Variants in WWOX observed in about 807,000 individuals in gnomAD.
The protein encoded by WWOX is WW domain-containing oxidoreductase.
A neutral mutation model predicts 46.2 loss-of-function variants in WWOX; 69 were observed. That is an observed-to-expected ratio of 1.49 (90% CI 1.23 to 1.82). The LOEUF (loss-of-function observed/expected upper bound fraction) is 1.82. Among genes scored for constraint, WWOX ranks in the 40% most tolerant of loss-of-function variants. The pLI, the probability that WWOX is intolerant of heterozygous loss-of-function variation, is 0.00. For synonymous variants in WWOX, 359 were observed against 202.6 expected (o/e 1.77, Z -6.56); for missense variants, 919 against 542.6 (o/e 1.69, Z -6.89).
intron 8 of WWOX, among the ~76,000 whole-genome samples, chr16:78,892,764 C>G (rs368394711): frequency 2.0e-5 from 3 of 152,294 alleles, no homozygotes; most frequent in East Asian, 3.9e-4. Flanking sequence ...ACTTTCTAAC[C>G]TCTGTTGTAG....
At chr16:78,105,290 C>T (rs904883777) in intron 1 of WWOX, among the ~76,000 whole-genome samples, 10 of 152,220 alleles carry the variant, frequency 6.6e-5, no homozygotes, top group African/African-American at 2.4e-4. Context: ...GGTGAAACCC[C>T]ATCTCTACTA....
chr16:78,978,087 T>C (rs1566884), intron 8 of WWOX, among the ~76,000 whole-genome samples: 120,350 of 152,104 alleles, frequency 0.79, 49,180 homozygotes, highest in Middle Eastern at 0.91. Context: ...GTAGGTTTGC[T>C]TATTTGGGAT....
intron 8 of WWOX, among the ~76,000 whole-genome samples, chr16:78,930,099 C>T (rs1165338169): frequency 2.0e-5 from 3 of 152,072 alleles, no homozygotes; most frequent in African/African-American, 4.8e-5. Flanking sequence ...TCCTCCTTCC[C>T]TTCCTGCCGT....
At chr16:79,147,421 G>A (rs1366608243) in intron 8 of WWOX, among the ~76,000 whole-genome samples, 5 of 152,156 alleles carry the variant, frequency 3.3e-5, no homozygotes, top group African/African-American at 4.8e-5. Flanking sequence ...GTTGTTGCAC[G>A]TGTCGGTAGC....
intron 5 of WWOX, among the ~76,000 whole-genome samples, chr16:78,315,391 G>A (rs1336827364): frequency 6.6e-6 from 1 of 152,192 alleles, no homozygotes; most frequent in Admixed American, 6.5e-5. Context: ...GCTCAAGCCT[G>A]TAATCCCAGC....
At chr16:78,681,940 G>C (rs1287348642) in intron 8 of WWOX, among the ~76,000 whole-genome samples, 3 of 152,156 alleles carry the variant, frequency 2.0e-5, no homozygotes, top group Non-Finnish European at 4.4e-5. Flanking sequence ...CCAGGAGTCT[G>C]CTTTTCTAGC....
chr16:78,346,448 C>T (rs554283954), intron 5 of WWOX, among the ~76,000 whole-genome samples: 1 of 119,196 alleles, frequency 8.4e-6, no homozygotes, highest in South Asian at 2.5e-4. Flanking sequence ...CCGTATAGGG[C>T]TATGTATAAC....
rs1197873457 is a variant in WWOX at position 78,922,175 on chromosome 16, A to G, written c.1057-289433A>G. ...GCCCACATATTTGATCTCAGCCTCC[A>G]AGTCAACTGATAACTGTGGTACAGT... On this transcript the variant is annotated intron_variant, in intron 8 of 8. Coordinates refer to ENST00000566780, the MANE Select transcript of WWOX (RefSeq NM_016373.4). Among the ~76,000 whole-genome samples the G allele has an allele frequency of 3.3e-5, 5 of 152,144 alleles. No homozygotes were observed. The East Asian group carries it at 7.8e-4, about 24-fold the overall frequency.
At chr16:78,526,184 G>C (rs1311458000) in intron 8 of WWOX, 2 of 152,292 alleles carry the variant, frequency 1.3e-5, no homozygotes, top group Non-Finnish European at 2.9e-5. Context: ...TTCACCAGTA[G>C]TGGAGCTAGG....
intron 5 of WWOX, among the ~76,000 whole-genome samples, chr16:78,336,104 A>T: frequency 6.6e-6 from 1 of 151,778 alleles, no homozygotes; most frequent in Admixed American, 6.6e-5. Flanking sequence ...AAAACGAAAA[A>T]CAAAAAAAAC....
intron 5 of WWOX, among the ~76,000 whole-genome samples, chr16:78,196,062 A>C (rs957044161): frequency 2.0e-5 from 3 of 152,154 alleles, no homozygotes; most frequent in Admixed American, 2.0e-4. Flanking sequence ...GATGGGCCCC[A>C]CTTAACCCTT....
At chr16:79,125,229 G>A (rs1158857882) in intron 8 of WWOX, among the ~76,000 whole-genome samples, 1 of 152,006 alleles carries the variant, frequency 6.6e-6, no homozygotes, top group Non-Finnish European at 1.5e-5. Context: ...TAGTCTGCCA[G>A]GCCAAGAATT....
chr16:78,978,739 C>T (rs527875748), intron 8 of WWOX, among the ~76,000 whole-genome samples: 2 of 152,100 alleles, frequency 1.3e-5, no homozygotes, highest in Non-Finnish European at 2.9e-5. Flanking sequence ...TTTCAACCAC[C>T]GAATCGCATG....
chr16:78,581,092 G>C (rs2045040711), intron 8 of WWOX, among the ~76,000 whole-genome samples: 1 of 151,932 alleles, frequency 6.6e-6, no homozygotes, highest in African/African-American at 2.4e-5. Flanking sequence ...GAGCTTTCTT[G>C]GTTATTTTCT....
intron 5 of WWOX, among the ~76,000 whole-genome samples, chr16:78,374,527 ATTT>A (rs541225697): frequency 9.9e-5 from 7 of 70,888 alleles, no homozygotes; most frequent in African/African-American, 3.1e-4. Context: ...TCTGTCTTGA[ATTT>A]TTTTTTTTTT....
intron 8 of WWOX, among the ~76,000 whole-genome samples, chr16:78,596,855 T>C (rs2045503466): frequency 6.6e-6 from 1 of 152,106 alleles, no homozygotes; most frequent in Non-Finnish European, 1.5e-5. Context: ...TGGGGCTGGC[T>C]TTGAGGGTTG....
At chr16:79,101,322 G>C (rs922819578) in intron 8 of WWOX, 2 of 152,166 alleles carry the variant, frequency 1.3e-5, no homozygotes, top group Non-Finnish European at 2.9e-5. Flanking sequence ...AACTCTGCTG[G>C]TCTCTCTGCT....
chr16:78,369,518 G>A (rs1332503005), intron 5 of WWOX, among the ~76,000 whole-genome samples: 2 of 152,306 alleles, frequency 1.3e-5, no homozygotes, highest in East Asian at 3.9e-4. Context: ...CAACCAAGGA[G>A]GGGCAGCTCA....
rs115721158 is a variant in WWOX at position 78,734,366 on chromosome 16, G to A, written c.1056+301614G>A. 3.5e-3 allele frequency among the ~76,000 whole-genome samples: 534 copies of A among 152,128 alleles called. 4 individuals are homozygous for A. The highest frequency in any genetic ancestry group is 0.012 in the African/African-American group (515 of 41,524). ...TGAATTTATCATCAATATTTATATC[G>A]CTGTTTGGCCCCTAACACCTTCCCT... On this transcript the variant is annotated intron_variant, in intron 8 of 8. Transcript: ENST00000566780.
Sources: allele counts gnomAD v4.1 joint callset (sites outside exome capture counted in the v4.1 genomes callset), GRCh38; gene constraint gnomAD v4.1.1; transcripts MANE v1.5; gene names NCBI Gene and HGNC (gene_info 2026-07-23, HGNC 2026-07-21).